Variants in MORN1 observed in about 807,000 individuals in gnomAD.
MORN1 encodes MORN repeat-containing protein 1.
Under a neutral mutation model 61.9 loss-of-function variants are expected in MORN1, and 67 were observed. The ratio of observed to expected loss-of-function variants is 1.08; its 90% confidence interval spans 0.89 to 1.33. The LOEUF is 1.33. MORN1 is among the 40% of genes most tolerant of loss of function. MORN1 has a pLI of 0.00. For synonymous variants in MORN1, 301 were observed against 292.0 expected (o/e 1.03, Z -0.31); for missense variants, 752 against 691.2 (o/e 1.09, Z -0.99).
Position 2,385,034 on chromosome 1 carries a change from G to C in MORN1, c.481C>G (p.Arg161Gly). 3.8e-6 allele frequency: 6 copies of C among 1,599,358 alleles called. No homozygotes were observed. Among genetic ancestry groups the C allele is most frequent in the Non-Finnish European group, 5.1e-6 (6 of 1,174,548 alleles). ...NGDKYDGDWVRDRRQGHGVLR... is the reference protein window; with the variant it reads ...NGDKYDGDWVGDRRQGHGVLR... ...ACCCCGTGTCCCTGACGCCGGTCCC[G>C]GACCCAGTCGCCGTCGTACTTGTCA... The change falls in exon 6 of 14, where the codon CGG (arginine) becomes GGG (glycine). Residue 161 changes from arginine to glycine, a missense_variant. By Grantham distance (125) the Arg-to-Gly change is moderately radical (BLOSUM62 -2). Transcript: ENST00000378531.
intron 6 of MORN1, chr1:2,377,717 C>T (rs1642273972): frequency 6.6e-6 from 1 of 152,368 alleles, no homozygotes; most frequent in Admixed American, 6.5e-5. Context: ...TGCCTCTGGC[C>T]CTCCTGGGGG....
Position 2,387,517 on chromosome 1 carries a change from GAGA to G in MORN1, c.257_259del (p.Phe86del). 6.2e-7 allele frequency: 1 copy of G among 1,611,938 alleles called. No individual in the cohort carries two copies. The highest frequency in any genetic ancestry group is 8.5e-7 in the Non-Finnish European group (1 of 1,179,702). The stretch of plus-strand genomic sequence containing the variant: ...AGGCTCTCCCAGAACAAACTGTCCA[GAGA>G]AGGTGTCTCCTGCATGTGGACAAGG... On this transcript the variant is annotated inframe_deletion, in exon 4 of 14. Coordinates refer to ENST00000378531, the MANE Select transcript of MORN1 (RefSeq NM_024848.3).
intron 8 of MORN1, among the ~76,000 whole-genome samples, chr1:2,359,131 T>C (rs1641839644): frequency 6.6e-6 from 1 of 152,136 alleles, no homozygotes; most frequent in South Asian, 2.1e-4. Context: ...GGCCTTGGGC[T>C]GGTCAGGGGC....
rs1641790533 is a variant in MORN1 at position 2,357,086 on chromosome 1, TGGCTGGGGCCGTGTCCA to T, written c.1036+329_1036+345del. On this transcript the variant is annotated intron_variant, in intron 10 of 13. Transcript: ENST00000378531. The surrounding 1 kb of genome is among the most constrained non-coding windows in gnomAD (Gnocchi z 6.3). Reference sequence around the variant, plus strand: ...TGTGAGGGCTCCCGGGCGGCAGGAGTGGCTGGGGCCGTGTCCAGGCTGGCCACTGGCCTCGAGGCCTG... The same window carrying T: ...TGTGAGGGCTCCCGGGCGGCAGGAGTGGCTGGCCACTGGCCTCGAGGCCTG... 6.6e-6 allele frequency among the ~76,000 whole-genome samples: 1 copy of T among 151,862 alleles called. No homozygotes were observed. The highest frequency in any genetic ancestry group is 2.1e-4 in the South Asian group (1 of 4,814).
intron 8 of MORN1, among the ~76,000 whole-genome samples, chr1:2,360,559 G>A (rs141849531): frequency 6.6e-6 from 1 of 152,160 alleles, no homozygotes; most frequent in Non-Finnish European, 1.5e-5. Context: ...AGAGAATCTG[G>A]GGAACAAGGC....
chr1:2,369,759 T>C (rs1017758453), intron 8 of MORN1, among the ~76,000 whole-genome samples: 22 of 152,102 alleles, frequency 1.4e-4, no homozygotes, highest in African/African-American at 5.1e-4. Context: ...AATAACATTA[T>C]TATGTATTAA....
At chr1:2,379,696 G>A (rs1642327935) in intron 6 of MORN1, among the ~76,000 whole-genome samples, 1 of 152,184 alleles carries the variant, frequency 6.6e-6, no homozygotes, top group Admixed American at 6.5e-5. Context: ...ATTGTTAAGA[G>A]GGCTAAACTC....
chr1:2,369,355 G>GAAAAAAAAAAAAAAAA (rs55703845), intron 8 of MORN1, among the ~76,000 whole-genome samples: 1 of 80,628 alleles, frequency 1.2e-5, no homozygotes, highest in African/African-American at 6.1e-5. Context: ...CTCAGTCTCA[G>GAAAAAAAAAAAAAAAA]AAAAAAAAAA....
intron 1 of MORN1, chr1:2,390,825 T>C (rs1455858082): frequency 1.2e-6 from 1 of 831,220 alleles, no homozygotes; most frequent in Non-Finnish European, 1.5e-6. Context: ...CTCGGCTCTC[T>C]GCAACCTCCG....
chr1:2,322,184 C>T, intron 13 of MORN1: 1 of 985,398 alleles, frequency 1.0e-6, no homozygotes, highest in Non-Finnish European at 1.2e-6. Context: ...TGTAAACTGT[C>T]TGGAGAGCTT....
At chr1:2,381,286 T>G (rs1315107907) in intron 6 of MORN1, among the ~76,000 whole-genome samples, 2 of 152,236 alleles carry the variant, frequency 1.3e-5, no homozygotes, top group Non-Finnish European at 2.9e-5. Context: ...TCGGGCGCCC[T>G]TCTCAGCGTC....
chr1:2,389,309 C>T (rs1468807384), intron 2 of MORN1, among the ~76,000 whole-genome samples: 1 of 152,166 alleles, frequency 6.6e-6, no homozygotes, highest in Non-Finnish European at 1.5e-5. Flanking sequence ...CAGTCTGTCA[C>T]CCAGGCTGGA....
rs568429545 is a variant in MORN1, at chr1:2,384,918, G to A, written c.537+60C>T. ...GTGAGGCTCCCCATACACCCCACGC[G>A]CCCTGCCCACCACGAGGCCTGTACC... On this transcript the variant is annotated intron_variant, in intron 6 of 13. Transcript: ENST00000378531. The A allele has an allele frequency of 4.5e-3, 6,396 of 1,428,686 alleles. 24 individuals are homozygous for A. The highest frequency in any genetic ancestry group is 5.3e-3 in the Non-Finnish European group (5,640 of 1,061,982). The allele number at this position is 1,428,686 out of a possible 1,614,324, so 88.5% of individuals were successfully genotyped here.
intron 13 of MORN1, chr1:2,322,158 T>C (rs995824195): frequency 1.0e-6 from 1 of 985,318 alleles, no homozygotes; most frequent in African/African-American, 1.7e-5. Context: ...GGAAAAGTAC[T>C]TTTCCTTTCA....
At chr1:2,379,724 C>T (rs1420097186) in intron 6 of MORN1, among the ~76,000 whole-genome samples, 3 of 152,146 alleles carry the variant, frequency 2.0e-5, no homozygotes, top group African/African-American at 7.2e-5. Context: ...TAACCTTTTA[C>T]AAAAATAACA....
At chr1:2,322,760 C>T (rs369176937) in intron 13 of MORN1, 70 of 985,444 alleles carry the variant, frequency 7.1e-5, no homozygotes, top group Middle Eastern at 1.0e-3. Context: ...GTGGCCAAGG[C>T]GCTGGCCGGG....
Position 2,369,252 on chromosome 1 carries a change from G to A in MORN1, c.745+3229C>T, listed in dbSNP as rs546009185. Among the ~76,000 whole-genome samples the A allele has an allele frequency of 4.0e-5, 6 of 151,740 alleles. No individual in the cohort carries two copies. The East Asian group carries it at 1.2e-3, about 29-fold the overall frequency. ...GCCTGTAGTCTCAGCTACTCAGGAG[G>A]CTGAGGCAGGAGAATGGTGTGAACC... On this transcript the variant is annotated intron_variant, in intron 8 of 13. Coordinates refer to ENST00000378531, the MANE Select transcript of MORN1 (RefSeq NM_024848.3).
chr1:2,323,079 G>A, intron 13 of MORN1: 1 of 985,382 alleles, frequency 1.0e-6, no homozygotes, highest in Non-Finnish European at 1.2e-6. Context: ...GCGCACAGGT[G>A]CCAGCGCCTA....
intron 6 of MORN1, among the ~76,000 whole-genome samples, chr1:2,383,675 C>T (rs1642421366): frequency 6.6e-6 from 1 of 152,180 alleles, no homozygotes. Context: ...CGTTTAGAGA[C>T]CTGCACGCGT....
Sources: allele counts gnomAD v4.1 joint callset (sites outside exome capture counted in the v4.1 genomes callset), GRCh38; gene constraint gnomAD v4.1.1; non-coding constraint Gnocchi (gnomAD v3.1); transcripts MANE v1.5; gene names NCBI Gene and HGNC (gene_info 2026-07-23, HGNC 2026-07-21).